The following EPHA2 variants were observed in gnomAD, a reference collection of about 807,000 sequenced individuals.
EPHA2 encodes ephrin type-A receptor 2.
Under a neutral mutation model 104.9 loss-of-function variants are expected in EPHA2, and 54 were observed. The observed-to-expected ratio is 0.51, with a 90% CI of 0.41 to 0.65. The LOEUF (loss-of-function observed/expected upper bound fraction) is 0.65. EPHA2 is among the 30% of genes least tolerant of loss of function. The pLI, the probability that EPHA2 is intolerant of heterozygous loss-of-function variation, is 0.00. For missense variants in EPHA2, 1,117 were observed against 1,369.5 expected, an observed-to-expected ratio of 0.82 and a Z score of 2.91; for synonymous variants, 560 against 559.1, an observed-to-expected ratio of 1.00 and a Z score of -0.02.
Position 16,139,357 on chromosome 1 carries a change from C to G in EPHA2, c.824-927G>C, listed in dbSNP as rs376226603. Among the ~76,000 whole-genome samples the G allele has an allele frequency of 1.1e-4, 16 of 152,330 alleles. No homozygotes were observed. The East Asian group carries it at 1.5e-3, about 15-fold the overall frequency. On this transcript the variant is annotated intron_variant, in intron 3 of 16. Coordinates refer to ENST00000358432, the MANE Select transcript of EPHA2 (RefSeq NM_004431.5). ...CACCCTAGGGAGCTCCTCCAACAAC[C>G]CTACAATTATAATCCTTCAGATTGT...
At position 16,129,337 on chromosome 1, in the gene EPHA2, G is replaced by A. The variant is rs540121548; in HGVS notation, c.2825+97C>T. ...CAGAAGAGAAAGAACAAAGAGAGGA[G>A]CATTGAGGGGCAGGGAAGAGGGCTG... On this transcript the variant is annotated intron_variant, in intron 16 of 16. Coordinates refer to ENST00000358432, the MANE Select transcript of EPHA2 (RefSeq NM_004431.5). 6.6e-4 allele frequency: 926 copies of A among 1,394,264 alleles called. 3 individuals carry two copies. The South Asian group carries it at 0.01, about 16-fold the overall frequency. 86.4% of individuals were successfully genotyped at this position (1,394,264 alleles called of 1,614,324 possible).
chr1:16,131,910 G>A lies in EPHA2; in HGVS notation c.2326-40C>T, dbSNP rs1201316213. ...GGCCCAGTCACCACTGTGCCCTCTG[G>A]CTGGCCCCAGGACCATTGCAGCCAA... On this transcript the variant is annotated intron_variant, in intron 13 of 16. Coordinates refer to ENST00000358432, the MANE Select transcript of EPHA2 (RefSeq NM_004431.5). The surrounding 1 kb of genome is among the most constrained non-coding windows in gnomAD (Gnocchi z 5.2). 1.6e-5 allele frequency: 25 copies of A among 1,608,044 alleles called. No individual in the cohort carries two copies. The highest frequency in any genetic ancestry group is 2.0e-5 in the Non-Finnish European group (23 of 1,177,236).
chr1:16,135,654 CCTT>C lies in EPHA2; in HGVS notation c.1426_1428del (p.Lys476del), dbSNP rs1297163329. 6.2e-7 allele frequency: 1 copy of C among 1,613,908 alleles called. No homozygotes were observed. Among genetic ancestry groups the C allele is most frequent in the African/African-American group, 1.3e-5 (1 of 75,020 alleles). On this transcript the variant is annotated inframe_deletion and splice_region_variant, in exon 6 of 17. Transcript: ENST00000358432. The surrounding 1 kb of genome is among the most constrained non-coding windows in gnomAD (Gnocchi z 4.3). Reference sequence around the variant, plus strand: ...GCCAGCCCCGCCCCTCTGGGAGTTACCTTCTTGCGGTAAGTGACCTCGTACTTC... The same window carrying C: ...GCCAGCCCCGCCCCTCTGGGAGTTACCTTGCGGTAAGTGACCTCGTACTTC...
chr1:16,137,804 C>T lies in EPHA2; in HGVS notation c.1312+49G>A, dbSNP rs1194909378. 5.0e-6 allele frequency: 8 copies of T among 1,609,590 alleles called. No individual in the cohort carries two copies. The South Asian group carries it at 8.8e-5, about 18-fold the overall frequency. ...CCCCAGATGGCCGTCCTCCTTAAGC[C>T]CCACCTGGGCAGGCCCCATAGGGCA... is the stretch of plus-strand genomic sequence containing the variant. On this transcript the variant is annotated intron_variant, in intron 5 of 16. Coordinates refer to ENST00000358432, the MANE Select transcript of EPHA2 (RefSeq NM_004431.5).
At chr1:16,137,701 C>A in intron 5 of EPHA2, 152 bp downstream of exon 5, 1 of 863,462 alleles carries the variant, frequency 1.2e-6, no homozygotes, top group Non-Finnish European at 1.8e-6. Flanking sequence ...CACATGTGGC[C>A]CACGGGTTGG....
chr1:16,144,789 T>A (rs1369485108), intron 3 of EPHA2, among the ~76,000 whole-genome samples: 1 of 150,720 alleles, frequency 6.6e-6, no homozygotes, highest in Non-Finnish European at 1.5e-5. Context: ...ACTGCCTTCC[T>A]GTGCCAGGCC....
At position 16,125,206 on chromosome 1, in the gene EPHA2, T is replaced by A; in HGVS notation, c.*9A>T. Reference sequence around the variant, plus strand: ...TCTTGGCCGATGGGGCTCCAGGCCCTGTCGAGGCTCAGATGGGGATCCCCA... The same window carrying A: ...TCTTGGCCGATGGGGCTCCAGGCCCAGTCGAGGCTCAGATGGGGATCCCCA... On this transcript the variant is annotated 3_prime_UTR_variant, in exon 17 of 17. Coordinates refer to ENST00000358432, the MANE Select transcript of EPHA2 (RefSeq NM_004431.5). The surrounding 1 kb of genome is among the most constrained non-coding windows in gnomAD (Gnocchi z 4.9). The A allele has an allele frequency of 6.2e-7, 1 of 1,613,030 alleles. No homozygotes were observed. The highest frequency in any genetic ancestry group is 2.2e-5 in the East Asian group (1 of 44,868).
intron 3 of EPHA2, among the ~76,000 whole-genome samples, chr1:16,142,257 C>T (rs1182764370): frequency 1.3e-5 from 2 of 152,236 alleles, no homozygotes; most frequent in Admixed American, 6.5e-5. Flanking sequence ...GCACTTCATA[C>T]GTGTCTGGCA....
chr1:16,131,938 C>T lies in EPHA2; in HGVS notation c.2326-68G>A. The T allele has an allele frequency of 1.3e-6, 2 of 1,599,578 alleles. No individual in the cohort carries two copies. The highest frequency in any genetic ancestry group is 1.3e-5 in the African/African-American group (1 of 74,712). ...GGCCCCAGGACCATTGCAGCCAAGC[C>T]CCACGACCCCTCCCTGGACTCCTAC... On this transcript the variant is annotated intron_variant, in intron 13 of 16. Coordinates refer to ENST00000358432, the MANE Select transcript of EPHA2 (RefSeq NM_004431.5). This position sits in a 1 kb window ranked among gnomAD's most constrained non-coding sequence, Gnocchi z 5.2.
chr1:16,136,713 A>AAAGAAGAAGAAGAAGAAGAAG (rs202150956), intron 5 of EPHA2, among the ~76,000 whole-genome samples: 1,795 of 102,670 alleles, frequency 0.017, 51 homozygotes, highest in African/African-American at 0.025. Context: ...AAGAAGAAGA[A>AAAGAAGAAGAAGAAGAAGAAG]AAGAAGAAGA....
intron 3 of EPHA2, among the ~76,000 whole-genome samples, chr1:16,142,482 G>C (rs1175852952): frequency 6.6e-6 from 1 of 152,222 alleles, no homozygotes; most frequent in Non-Finnish European, 1.5e-5. Context: ...TGAATGGATG[G>C]ACAGACAGAT....
intron 3 of EPHA2, among the ~76,000 whole-genome samples, chr1:16,146,929 G>T (rs1184354145): frequency 2.0e-5 from 3 of 152,220 alleles, no homozygotes; most frequent in Admixed American, 6.5e-5. Context: ...GATGAGGGGG[G>T]AGTTAGCCAA....
chr1:16,154,156 G>A (rs2025100858), intron 1 of EPHA2, among the ~76,000 whole-genome samples: 1 of 152,046 alleles, frequency 6.6e-6, no homozygotes, highest in African/African-American at 2.4e-5. Context: ...CCCCCCCATG[G>A]GCAGCCGAGG....
chr1:16,135,229 C>A lies in EPHA2; in HGVS notation c.1429-40G>T. 1 of 1,612,066 alleles carries A rather than the reference C, an allele frequency of 6.2e-7. No homozygotes were observed. The highest frequency in any genetic ancestry group is 1.1e-5 in the South Asian group (1 of 91,026). On this transcript the variant is annotated intron_variant, in intron 6 of 16. Transcript: ENST00000358432. This position sits in a 1 kb window ranked among gnomAD's most constrained non-coding sequence, Gnocchi z 4.3. ...CCGGCGGAGGAGCAGGCAGTGAGGG[C>A]AGGGCAGGGGCCTCGGCTCAGCCCG...
At chr1:16,138,552 G>T in intron 3 of EPHA2, 122 bp from the exon 4 acceptor site, 1 of 1,431,168 alleles carries the variant, frequency 7.0e-7, no homozygotes, top group Non-Finnish European at 9.7e-7. Context: ...AATCTCTATG[G>T]ACCTGTTTTC....
chr1:16,138,312 G>A lies in EPHA2; in HGVS notation c.942C>T (p.Phe314=). The change falls in exon 4 of 17, where the codon TTC becomes TTT. Residue 314 remains phenylalanine (F), a synonymous_variant. Transcript: ENST00000358432. The part of the protein sequence containing the change: ...ATSCECEEGF[F]RAPQDPASMP... Reference sequence around the variant, plus strand: ...TCGACGCTGGGTCCTGAGGTGCCCGGAAGAAGCCTTCCTCACACTCGCAGG... The same window carrying A: ...TCGACGCTGGGTCCTGAGGTGCCCGAAAGAAGCCTTCCTCACACTCGCAGG... The A allele has an allele frequency of 1.9e-6, 3 of 1,613,672 alleles. No individual in the cohort carries two copies. In the South Asian group the frequency reaches 3.3e-5, roughly 18 times the overall value.
intron 16 of EPHA2, 120 bp downstream of exon 16, chr1:16,129,314 G>A: frequency 1.6e-6 from 2 of 1,279,840 alleles, no homozygotes; most frequent in Non-Finnish European, 2.2e-6. Flanking sequence ...CCTCTTCCCA[G>A]AAGAGAAAGA....
rs1231656263 is a variant in EPHA2, at chr1:16,128,271, T to G, written c.2825+1163A>C. Among the ~76,000 whole-genome samples the G allele has an allele frequency of 6.6e-6, 1 of 152,192 alleles. No individual in the cohort carries two copies. Among genetic ancestry groups the G allele is most frequent in the Non-Finnish European group, 1.5e-5 (1 of 68,028 alleles). On this transcript the variant is annotated intron_variant, in intron 16 of 16. Transcript: ENST00000358432. This position sits in a 1 kb window ranked among gnomAD's most constrained non-coding sequence, Gnocchi z 4.7. ...GCCCAAGCCTGTGGCCCTGCTGGGC[T>G]GGCGGGCAGCAAAAGACATCCTGTG...
chr1:16,135,641 C>T lies in EPHA2; in HGVS notation c.1428+14G>A. On this transcript the variant is annotated intron_variant, in intron 6 of 16. Coordinates refer to ENST00000358432, the MANE Select transcript of EPHA2 (RefSeq NM_004431.5). The surrounding 1 kb of genome is among the most constrained non-coding windows in gnomAD (Gnocchi z 4.3). ...CGGCCCAGCTAGAGCCAGCCCCGCC[C>T]CTCTGGGAGTTACCTTCTTGCGGTA... 1 of 1,612,610 alleles carries T rather than the reference C, an allele frequency of 6.2e-7. No individual in the cohort carries two copies. Among genetic ancestry groups the T allele is most frequent in the Non-Finnish European group, 8.5e-7 (1 of 1,178,804 alleles).
Sources: allele counts gnomAD v4.1 joint callset (sites outside exome capture counted in the v4.1 genomes callset), GRCh38; gene constraint gnomAD v4.1.1; non-coding constraint Gnocchi (gnomAD v3.1); transcripts MANE v1.5; gene names NCBI Gene and HGNC (gene_info 2026-07-23, HGNC 2026-07-21).